RELN: variants seen among roughly 807,000 people sequenced by gnomAD.
RELN encodes reelin.
Under a neutral mutation model 427.6 loss-of-function variants are expected in RELN, and 108 were observed. The observed-to-expected ratio is 0.25, with a 90% CI of 0.22 to 0.30. The LOEUF is 0.30. Among genes scored for constraint, RELN ranks in the 10% least tolerant of loss-of-function variants. The pLI is 1.00. For missense variants in RELN, 3,715 were observed against 4,302.8 expected (o/e 0.86, Z 3.82); for synonymous variants, 1,524 against 1,513.4 (o/e 1.01, Z -0.16).
intron 3 of RELN, among the ~76,000 whole-genome samples, chr7:103,788,757 C>A (rs1214558731): frequency 6.6e-6 from 1 of 152,096 alleles, no homozygotes; most frequent in East Asian, 1.9e-4. Context: ...AAATATACTG[C>A]CCAAAGTAAT....
intron 3 of RELN, among the ~76,000 whole-genome samples, chr7:103,778,117 C>A (rs1791792021): frequency 1.3e-5 from 2 of 152,186 alleles, no homozygotes; most frequent in Non-Finnish European, 2.9e-5. Context: ...ATAGGTTTTT[C>A]TTTGCTTTCA....
intron 3 of RELN, among the ~76,000 whole-genome samples, chr7:103,796,468 G>T (rs1377103741): frequency 6.6e-6 from 1 of 152,176 alleles, no homozygotes; most frequent in Non-Finnish European, 1.5e-5. Flanking sequence ...AGTATCATTT[G>T]TTGTAGTGAG....
chr7:103,977,280 C>T (rs1270380439), intron 1 of RELN, among the ~76,000 whole-genome samples: 2 of 137,288 alleles, frequency 1.5e-5, no homozygotes, highest in African/African-American at 5.7e-5. Flanking sequence ...CACTGCACTC[C>T]AGCCTGGGTG....
At chr7:103,514,848 G>A (rs1829520659) in intron 50 of RELN, among the ~76,000 whole-genome samples, 1 of 152,100 alleles carries the variant, frequency 6.6e-6, no homozygotes, top group East Asian at 1.9e-4. Context: ...ACTGGGAAAT[G>A]TCATTTGTTG....
At chr7:103,485,762 A>G (rs1263024984) in intron 61 of RELN, among the ~76,000 whole-genome samples, 2 of 144,804 alleles carry the variant, frequency 1.4e-5, no homozygotes, top group Non-Finnish European at 3.0e-5. Flanking sequence ...CCATCCATCC[A>G]TCCATCCATC....
Position 103,515,295 on chromosome 7 carries a change from A to G in RELN, c.8009T>C (p.Met2670Thr), listed in dbSNP as rs550287694. ...ISGSADQRTV[M>T]LDTFSSAPVP... is the part of the protein sequence containing the mutation. ...TGGGGCGCTGCTGAAGGTGTCCAGC[A>G]TAACGGTCCTTTGGTCAGCAGAGCC... The change falls in exon 50 of 65, where the codon ATG becomes ACG. Residue 2670 changes from methionine to threonine, a missense_variant. Met to Thr is a moderately conservative substitution (Grantham distance 81). This residue lies in a region of RELN where 1,310 missense variants were observed against 1,643.0 expected (regional missense o/e 0.80). Coordinates refer to ENST00000428762, the MANE Select transcript of RELN (RefSeq NM_005045.4). 3 of 1,614,206 alleles carry G rather than the reference A, an allele frequency of 1.9e-6. No homozygotes were observed. The highest frequency in any genetic ancestry group is 1.7e-6 in the Non-Finnish European group (2 of 1,180,030).
At chr7:103,962,605 C>T (rs1216404682) in intron 1 of RELN, among the ~76,000 whole-genome samples, 1 of 151,522 alleles carries the variant, frequency 6.6e-6, no homozygotes, top group Admixed American at 6.6e-5. Flanking sequence ...ACTTGAAATG[C>T]ATTTTAGAGA....
chr7:103,561,986 C>T (rs1830655445), intron 34 of RELN, 33 bp from the exon 35 acceptor site: 1 of 1,582,324 alleles, frequency 6.3e-7, no homozygotes, highest in Non-Finnish European at 8.6e-7. Context: ...AAACACACCA[C>T]TGGTTTGACA....
chr7:103,621,526 C>T (rs934984365), intron 20 of RELN, among the ~76,000 whole-genome samples: 1 of 152,112 alleles, frequency 6.6e-6, no homozygotes, highest in Non-Finnish European at 1.5e-5. Flanking sequence ...TAGGCAGAGG[C>T]ACAGCTCACA....
At chr7:103,976,422 G>A (rs1186800497) in intron 1 of RELN, among the ~76,000 whole-genome samples, 1 of 144,908 alleles carries the variant, frequency 6.9e-6, no homozygotes, top group Non-Finnish European at 1.5e-5. Context: ...GACAGTTGTA[G>A]GAGCCTACTG....
intron 3 of RELN, among the ~76,000 whole-genome samples, chr7:103,784,182 G>A (rs1219244178): frequency 2.0e-5 from 3 of 152,142 alleles, no homozygotes; most frequent in Admixed American, 6.6e-5. Flanking sequence ...GAAAGGGGAC[G>A]TTGATTGGAC....
intron 57 of RELN, among the ~76,000 whole-genome samples, chr7:103,493,812 G>A (rs181485633): frequency 6.6e-6 from 1 of 152,202 alleles, no homozygotes; most frequent in African/African-American, 2.4e-5. Flanking sequence ...AGAGAAGGTG[G>A]GGAATGTGCA....
chr7:103,894,557 C>T (rs766920256), intron 2 of RELN, among the ~76,000 whole-genome samples: 2 of 151,962 alleles, frequency 1.3e-5, no homozygotes, highest in African/African-American at 4.8e-5. Context: ...TTTTCAAATA[C>T]GTTCGAAGAA....
chr7:103,851,331 G>A (rs1793816183), intron 2 of RELN, among the ~76,000 whole-genome samples: 2 of 152,254 alleles, frequency 1.3e-5, no homozygotes, highest in South Asian at 4.1e-4. Flanking sequence ...TTGGGGACTT[G>A]GGGGGAAGAG....
chr7:103,753,002 T>C (rs1274672777), intron 5 of RELN, among the ~76,000 whole-genome samples, 180 bp downstream of exon 5: 2 of 152,142 alleles, frequency 1.3e-5, no homozygotes, highest in Non-Finnish European at 2.9e-5. Flanking sequence ...GCAGCATGAA[T>C]GTTTCCTCAA....
At chr7:103,647,380 T>G (rs917620947) in intron 16 of RELN, among the ~76,000 whole-genome samples, 3 of 151,904 alleles carry the variant, frequency 2.0e-5, no homozygotes, top group African/African-American at 7.2e-5. Flanking sequence ...ATAAAATCAA[T>G]GTACAAAAAT....
intron 10 of RELN, among the ~76,000 whole-genome samples, chr7:103,694,052 C>G (rs1348143758): frequency 6.6e-6 from 1 of 152,144 alleles, no homozygotes; most frequent in Non-Finnish European, 1.5e-5. Flanking sequence ...TTGGGCTGCA[C>G]TTGCTAAACT....
intron 55 of RELN, 107 bp from the exon 56 acceptor site, chr7:103,496,875 C>T (rs1244790670): frequency 1.5e-6 from 2 of 1,313,744 alleles, no homozygotes; most frequent in Non-Finnish European, 2.2e-6. Flanking sequence ...AAATTTTCAG[C>T]CAGGAAATGA....
At position 103,511,105 on chromosome 7, in the gene RELN, C is replaced by G. The variant is rs537948638; in HGVS notation, c.8120-100G>C. ...GACATAGAATTATTTTAAGTAGAAA[C>G]TGCTCATATTATATACACTCTATAG... On this transcript the variant is annotated intron_variant, in intron 50 of 64. Coordinates refer to ENST00000428762, the MANE Select transcript of RELN (RefSeq NM_005045.4). 3.2e-4 allele frequency: 258 copies of G among 802,858 alleles called. No homozygotes were observed. The South Asian group carries it at 3.4e-3, about 10-fold the overall frequency. The allele number at this position is 802,858 out of a possible 1,614,324, so 49.7% of individuals were successfully genotyped here.
Sources: gnomAD v4.1 joint callset for allele counts (sites outside exome capture counted in the v4.1 genomes callset) on GRCh38, gnomAD v4.1.1 for gene constraint, gnomAD v4.1.1 regional missense constraint, MANE v1.5 for transcripts, NCBI Gene and HGNC (gene_info 2026-07-23, HGNC 2026-07-21) for gene names.